The following HERC6 variants were observed in gnomAD, a reference collection of about 807,000 sequenced individuals.
The protein encoded by HERC6 is HECT and RLD domain containing E3 ubiquitin protein ligase family member 6.
In HERC6, 101 loss-of-function variants were observed where a neutral mutation model predicts 114.5. The ratio of observed to expected loss-of-function variants is 0.88; its 90% confidence interval spans 0.75 to 1.04. HERC6 has a LOEUF of 1.04. Ranked by LOEUF, HERC6 falls within the 50% of genes least tolerant of loss-of-function variation. HERC6 has a pLI of 0.00. For synonymous variants in HERC6, 408 were observed against 436.2 expected (o/e 0.94, Z 0.81); for missense variants, 1,133 against 1,230.9 (o/e 0.92, Z 1.19).
intron 7 of HERC6, among the ~76,000 whole-genome samples, chr4:88,397,907 A>G (rs1355599471): frequency 6.6e-6 from 1 of 152,222 alleles, no homozygotes; most frequent in African/African-American, 2.4e-5. Context: ...GTGCATGAAA[A>G]ACTAAATTTT....
chr4:88,408,399 AAGG>A (rs1735912390), intron 10 of HERC6, 122 bp from the exon 11 acceptor site: 6 of 680,958 alleles, frequency 8.8e-6, no homozygotes, highest in Non-Finnish European at 1.6e-5. Flanking sequence ...ATTATTTTGA[AAGG>A]AGGTAAGCTT....
At chr4:88,381,206 T>A (rs1734298798) in intron 1 of HERC6, among the ~76,000 whole-genome samples, 1 of 152,050 alleles carries the variant, frequency 6.6e-6, no homozygotes, top group Non-Finnish European at 1.5e-5. Context: ...GGAGGAAAAT[T>A]TTTCCTCTAC....
intron 17 of HERC6, among the ~76,000 whole-genome samples, chr4:88,431,860 G>A (rs757116965): frequency 1.6e-4 from 25 of 152,204 alleles, no homozygotes; most frequent in Non-Finnish European, 3.4e-4. Context: ...TTACAGGTGT[G>A]AGCCACCACG....
chr4:88,393,294 ACCCCT>A (rs1735017101), intron 4 of HERC6, among the ~76,000 whole-genome samples, 189 bp from the exon 5 acceptor site: 1 of 150,444 alleles, frequency 6.6e-6, no homozygotes, highest in Non-Finnish European at 1.5e-5. Context: ...TATAAAAGAT[ACCCCT>A]TACATAAAAA....
chr4:88,428,901 T>C (rs1578420239), intron 16 of HERC6, among the ~76,000 whole-genome samples, 151 bp downstream of exon 16: 1 of 152,228 alleles, frequency 6.6e-6, no homozygotes, highest in East Asian at 1.9e-4. Flanking sequence ...CTTCAGAGAA[T>C]AGCAATAGGA....
At chr4:88,391,009 G>T (rs1368802419) in intron 4 of HERC6, 130 bp downstream of exon 4, 9 of 696,388 alleles carry the variant, frequency 1.3e-5, no homozygotes, top group Non-Finnish European at 2.1e-5. Context: ...ATAGCCTAGG[G>T]AGCTATATTA....
chr4:88,379,777 A>G (rs1231344683), intron 1 of HERC6, among the ~76,000 whole-genome samples: 4 of 72,756 alleles, frequency 5.5e-5, no homozygotes, highest in Non-Finnish European at 7.2e-5. Flanking sequence ...ATATATAAAT[A>G]TATATATAAC....
rs1482478376 is a variant in HERC6, at chr4:88,442,686, C to G, written c.*226C>G. ...GGGATCTAAGGATGACTTGGACACA[C>G]TCCCTGGCACTGAAGAGTCTGAACA... On this transcript the variant is annotated 3_prime_UTR_variant, in exon 23 of 23. Coordinates refer to ENST00000264346, the MANE Select transcript of HERC6 (RefSeq NM_017912.4). 1 of 560,680 alleles carries G rather than the reference C, an allele frequency of 1.8e-6. No individual in the cohort carries two copies. The highest frequency in any genetic ancestry group is 3.2e-6 in the Non-Finnish European group (1 of 312,142). 34.7% of individuals were successfully genotyped at this position (560,680 alleles called of 1,614,324 possible).
chr4:88,401,489 T>TTA lies in HERC6; in HGVS notation c.1092+3280_1092+3281insTA, dbSNP rs1560542719. Among the ~76,000 whole-genome samples, 256 of 114,848 alleles carry TTA rather than the reference T, an allele frequency of 2.2e-3. 2 individuals are homozygous for TTA. The highest frequency in any genetic ancestry group is 8.6e-3 in the African/African-American group (250 of 29,104). The allele number at this position is 114,848 out of a possible 152,430, so 75.3% of individuals were successfully genotyped here. On this transcript the variant is annotated intron_variant, in intron 8 of 22. Coordinates refer to ENST00000264346, the MANE Select transcript of HERC6 (RefSeq NM_017912.4). ...CTGGGCGACAGAACGAGACTCCATC[T>TTA]CAAAAAAAAAAAAAAAAAGAAAAGA...
At chr4:88,428,821 C>G in intron 16 of HERC6, 71 bp downstream of exon 16, 1 of 1,295,996 alleles carries the variant, frequency 7.7e-7, no homozygotes, top group Non-Finnish European at 1.0e-6. Flanking sequence ...GTAACAAATG[C>G]TCTCTGAAAA....
At chr4:88,429,558 C>G (rs763502246) in intron 16 of HERC6, among the ~76,000 whole-genome samples, 1 of 152,074 alleles carries the variant, frequency 6.6e-6, no homozygotes, top group Non-Finnish European at 1.5e-5. Context: ...TGTGTAGTAA[C>G]TCAGGTTATT....
At chr4:88,391,307 G>A (rs1338912096) in intron 4 of HERC6, among the ~76,000 whole-genome samples, 1 of 152,162 alleles carries the variant, frequency 6.6e-6, no homozygotes, top group African/African-American at 2.4e-5. Flanking sequence ...CTTTCACATA[G>A]ACTCTTCTGC....
intron 11 of HERC6, among the ~76,000 whole-genome samples, chr4:88,411,150 G>A (rs767326925): frequency 2.0e-5 from 3 of 152,178 alleles, no homozygotes; most frequent in African/African-American, 4.8e-5. Context: ...TCAAGATGAA[G>A]TGATAATAGC....
At chr4:88,394,029 T>C (rs2148879375) in intron 5 of HERC6, among the ~76,000 whole-genome samples, 1 of 152,294 alleles carries the variant, frequency 6.6e-6, no homozygotes, top group Non-Finnish European at 1.5e-5. Flanking sequence ...ATTCAGACTG[T>C]AGCATAAGAT....
intron 9 of HERC6, 80 bp from the exon 10 acceptor site, chr4:88,405,474 A>T: frequency 3.1e-6 from 2 of 645,772 alleles, no homozygotes; most frequent in Non-Finnish European, 5.1e-6. Flanking sequence ...GTCATCATTT[A>T]CTTATTCAGA....
At chr4:88,402,981 C>T (rs941163630) in intron 8 of HERC6, among the ~76,000 whole-genome samples, 4 of 152,154 alleles carry the variant, frequency 2.6e-5, no homozygotes, top group Non-Finnish European at 5.9e-5. Context: ...TTTATTTCAG[C>T]ATTAAACCAA....
At chr4:88,408,861 G>A (rs1422586714) in intron 11 of HERC6, among the ~76,000 whole-genome samples, 1 of 152,166 alleles carries the variant, frequency 6.6e-6, no homozygotes, top group Non-Finnish European at 1.5e-5. Context: ...TGAAGGCTCA[G>A]GCTCACAGCT....
intron 3 of HERC6, among the ~76,000 whole-genome samples, chr4:88,389,736 T>G (rs377505259): frequency 6.6e-6 from 1 of 152,166 alleles, no homozygotes; most frequent in East Asian, 1.9e-4. Context: ...TGTTTTACCT[T>G]TTAAAGATTT....
At chr4:88,405,531 AC>A (rs1735775999) in intron 9 of HERC6, 22 bp from the exon 10 acceptor site, 1 of 1,422,722 alleles carries the variant, frequency 7.0e-7, no homozygotes, top group South Asian at 1.3e-5. Context: ...GTTGTGACTT[AC>A]CCCTTGTTAT....
Sources: gnomAD v4.1 joint callset for allele counts (sites outside exome capture counted in the v4.1 genomes callset) on GRCh38, gnomAD v4.1.1 for gene constraint, MANE v1.5 for transcripts, NCBI Gene and HGNC (gene_info 2026-07-23, HGNC 2026-07-21) for gene names.